Variants in RALYL observed in about 807,000 individuals in gnomAD.
RALYL encodes RNA-binding Raly-like protein.
RALYL carries 29 observed loss-of-function variants against 35.1 expected under a neutral mutation model. That is an observed-to-expected ratio of 0.83 (90% CI 0.61 to 1.13). RALYL has a LOEUF of 1.13. Ranked by LOEUF, RALYL falls within the 50% of genes most tolerant of loss-of-function variation. The pLI is 0.00. For synonymous variants in RALYL, 120 were observed against 127.6 expected, an observed-to-expected ratio of 0.94 and a Z score of 0.40; for missense variants, 359 against 360.4, an observed-to-expected ratio of 1.00 and a Z score of 0.03.
rs994819364 is a variant in RALYL, at chr8:84,288,611, G to A, written c.-24+104187G>A. Reference sequence around the variant, plus strand: ...TATTATTGTTCTATTAAATTGTATTGCCCAGTTTGAAATAATAATTCACTA... The same window carrying A: ...TATTATTGTTCTATTAAATTGTATTACCCAGTTTGAAATAATAATTCACTA... On this transcript the variant is annotated intron_variant, in intron 1 of 8. Transcript: ENST00000521268. Among the ~76,000 whole-genome samples the A allele has an allele frequency of 5.5e-5, 8 of 146,776 alleles. No homozygotes were observed. In the East Asian group the frequency reaches 1.7e-3, roughly 31 times the overall value.
chr8:84,535,873 A>G (rs1422028607), intron 2 of RALYL, among the ~76,000 whole-genome samples: 1 of 152,120 alleles, frequency 6.6e-6, no homozygotes, highest in Non-Finnish European at 1.5e-5. Flanking sequence ...GGGAGGCAAA[A>G]TCACTCCAGT....
rs187445392 is a variant in RALYL, at chr8:84,206,369, G to C, written c.-24+21945G>C. Reference sequence around the variant, plus strand: ...TCAGGTGACCTCATTTGAGTAGCTGGGAAAGTGTTCTTTGCTCAGTCACTC... The same window carrying C: ...TCAGGTGACCTCATTTGAGTAGCTGCGAAAGTGTTCTTTGCTCAGTCACTC... On this transcript the variant is annotated intron_variant, in intron 1 of 8. Transcript: ENST00000521268. Among the ~76,000 whole-genome samples, 212 of 152,162 alleles carry C rather than the reference G, an allele frequency of 1.4e-3. 1 individual carries two copies. The highest frequency in any genetic ancestry group is 4.2e-3 in the African/African-American group (176 of 41,504).
At chr8:84,238,013 G>T (rs370336069) in intron 1 of RALYL, among the ~76,000 whole-genome samples, 1 of 113,662 alleles carries the variant, frequency 8.8e-6, no homozygotes. Flanking sequence ...CAAAACAAAA[G>T]AAAAAAAACA....
chr8:84,897,083 C>G (rs532760147), intron 8 of RALYL, among the ~76,000 whole-genome samples: 3 of 152,154 alleles, frequency 2.0e-5, no homozygotes, highest in East Asian at 3.8e-4. Context: ...TGGCCTTGAA[C>G]AAACTATTTA....
intron 1 of RALYL, among the ~76,000 whole-genome samples, chr8:84,336,421 A>G (rs1254766922): frequency 6.6e-6 from 1 of 152,100 alleles, no homozygotes; most frequent in African/African-American, 2.4e-5. Flanking sequence ...TTGTATTTAA[A>G]AAATGATGTT....
At chr8:84,340,678 T>A (rs998139930) in intron 1 of RALYL, among the ~76,000 whole-genome samples, 10 of 152,002 alleles carry the variant, frequency 6.6e-5, no homozygotes, top group African/African-American at 2.4e-4. Context: ...GACGAAAAAA[T>A]CAATTGCTTG....
intron 2 of RALYL, among the ~76,000 whole-genome samples, chr8:84,735,862 A>G (rs1429679882): frequency 2.0e-5 from 3 of 148,112 alleles, no homozygotes; most frequent in African/African-American, 7.8e-5. Flanking sequence ...GAGAACACAC[A>G]GGTCCAGAGA....
At chr8:84,539,862 A>G (rs867484030) in intron 2 of RALYL, among the ~76,000 whole-genome samples, 821 of 58,538 alleles carry the variant, frequency 0.014, 19 homozygotes, top group African/African-American at 0.05. Context: ...ATGTATATAT[A>G]TATATATATA....
At chr8:84,879,137 A>G (rs886265256) in intron 7 of RALYL, among the ~76,000 whole-genome samples, 1 of 152,146 alleles carries the variant, frequency 6.6e-6, no homozygotes, top group Non-Finnish European at 1.5e-5. Context: ...CTAGGAGATG[A>G]GCTGTGCAAG....
intron 1 of RALYL, among the ~76,000 whole-genome samples, chr8:84,364,259 TTAC>T (rs1349644579): frequency 1.3e-5 from 2 of 152,188 alleles, no homozygotes; most frequent in Admixed American, 1.3e-4. Flanking sequence ...CTCGCTTTTC[TTAC>T]TAGTAATATA....
At chr8:84,328,703 TC>T (rs1283961312) in intron 1 of RALYL, among the ~76,000 whole-genome samples, 2 of 152,166 alleles carry the variant, frequency 1.3e-5, no homozygotes, top group East Asian at 3.9e-4. Flanking sequence ...ATACAAAAGA[TC>T]CTGTCACCCA....
At chr8:84,580,191 G>T (rs918766263) in intron 2 of RALYL, among the ~76,000 whole-genome samples, 2 of 152,126 alleles carry the variant, frequency 1.3e-5, no homozygotes, top group South Asian at 2.1e-4. Flanking sequence ...TTCATTATGT[G>T]CATGGAAGTC....
intron 2 of RALYL, among the ~76,000 whole-genome samples, chr8:84,680,882 T>C (rs1057255254): frequency 3.9e-5 from 6 of 152,034 alleles, no homozygotes; most frequent in African/African-American, 1.5e-4. Context: ...ATTTTGGCTT[T>C]TGTTGCCATT....
chr8:84,845,045 C>A (rs144477629), intron 4 of RALYL, among the ~76,000 whole-genome samples: 1 of 152,062 alleles, frequency 6.6e-6, no homozygotes, highest in Non-Finnish European at 1.5e-5. Context: ...GTGCAGCACA[C>A]CCACACGGCA....
chr8:84,282,744 ATGCGTGTGTG>A (rs961611637), intron 1 of RALYL, among the ~76,000 whole-genome samples: 3 of 63,792 alleles, frequency 4.7e-5, no homozygotes, highest in South Asian at 7.4e-4. Flanking sequence ...ATATATGTGT[ATGCGTGTGTG>A]TGTGTGTGTG....
chr8:84,828,170 ATAAT>A lies in RALYL; in HGVS notation c.366-21804_366-21801del, dbSNP rs540923473. 6.7e-4 allele frequency among the ~76,000 whole-genome samples: 102 copies of A among 152,282 alleles called. 1 individual carries two copies. In the South Asian group the frequency reaches 0.019, roughly 29 times the overall value. On this transcript the variant is annotated intron_variant, in intron 4 of 8. Coordinates refer to ENST00000521268, the MANE Select transcript of RALYL (RefSeq NM_173848.7). ...TTAGATATGTTTATTTGAAACAAAA[ATAAT>A]TAATTTTATGCATATGATAAGAAAC...
At position 84,883,028 on chromosome 8, in the gene RALYL, T is replaced by C. The variant is rs150287430; in HGVS notation, c.686-4576T>C. Among the ~76,000 whole-genome samples the C allele has an allele frequency of 1.2e-3, 181 of 152,154 alleles. 1 individual carries two copies. Among genetic ancestry groups the C allele is most frequent in the African/African-American group, 4.1e-3 (172 of 41,546 alleles). ...ATGGAACCTATCATTGTTTAGTGATTATAATATTTCCCATTGAGATGATGA... is the reference window on the plus strand; with the variant it reads ...ATGGAACCTATCATTGTTTAGTGATCATAATATTTCCCATTGAGATGATGA... On this transcript the variant is annotated intron_variant, in intron 7 of 8. Transcript: ENST00000521268.
At chr8:84,776,149 C>T (rs1056004744) in intron 3 of RALYL, among the ~76,000 whole-genome samples, 2 of 152,084 alleles carry the variant, frequency 1.3e-5, no homozygotes, top group Non-Finnish European at 2.9e-5. Context: ...AAGAAGAGTG[C>T]TCAAAAATAG....
intron 1 of RALYL, among the ~76,000 whole-genome samples, chr8:84,477,053 A>C (rs1380178508): frequency 6.6e-6 from 1 of 152,128 alleles, no homozygotes; most frequent in Non-Finnish European, 1.5e-5. Context: ...CATGGTGATA[A>C]ATTTGAAATC....
Sources: gnomAD v4.1 joint callset for allele counts (sites outside exome capture counted in the v4.1 genomes callset) on GRCh38, gnomAD v4.1.1 for gene constraint, MANE v1.5 for transcripts, NCBI Gene and HGNC (gene_info 2026-07-23, HGNC 2026-07-21) for gene names.